CNTN4: variants seen among roughly 807,000 people sequenced by gnomAD.
CNTN4 encodes the protein contactin-4.
In CNTN4, 77 loss-of-function variants were observed where a neutral mutation model predicts 122.5. The observed-to-expected ratio is 0.63, with a 90% CI of 0.52 to 0.76. CNTN4 has a LOEUF of 0.76. Among genes scored for constraint, CNTN4 ranks in the 30% least tolerant of loss-of-function variants. The pLI, the probability that CNTN4 is intolerant of heterozygous loss-of-function variation, is 0.00. For synonymous variants in CNTN4, 512 were observed against 447.0 expected (o/e 1.15, Z -1.83); for missense variants, 1,256 against 1,259.1 (o/e 1.00, Z 0.04).
At chr3:2,387,026 T>A (rs2046279388) in intron 3 of CNTN4, among the ~76,000 whole-genome samples, 1 of 152,200 alleles carries the variant, frequency 6.6e-6, no homozygotes, top group Non-Finnish European at 1.5e-5. Context: ...AAGTTAGAGT[T>A]TTGAACTTGC....
At chr3:2,154,279 A>C (rs531868587) in intron 2 of CNTN4, among the ~76,000 whole-genome samples, 1 of 151,958 alleles carries the variant, frequency 6.6e-6, no homozygotes, top group South Asian at 2.1e-4. Context: ...CCAGCTACTC[A>C]TGAAGCTGAG....
intron 3 of CNTN4, among the ~76,000 whole-genome samples, chr3:2,396,483 C>T (rs2046645151): frequency 1.3e-5 from 2 of 152,120 alleles, no homozygotes; most frequent in South Asian, 4.1e-4. Flanking sequence ...ACTACCCCCT[C>T]CCCAGCCTCC....
intron 13 of CNTN4, among the ~76,000 whole-genome samples, chr3:2,977,779 C>T (rs755286461): frequency 4.6e-5 from 7 of 152,174 alleles, no homozygotes; most frequent in Admixed American, 6.5e-5. Flanking sequence ...CCTAGAATCT[C>T]AAAATGTGAC....
chr3:2,446,556 C>G (rs894663980), intron 3 of CNTN4, among the ~76,000 whole-genome samples: 6 of 152,128 alleles, frequency 3.9e-5, no homozygotes, highest in Non-Finnish European at 7.4e-5. Context: ...TCTCATCTTC[C>G]AGTACATTAT....
At chr3:2,441,445 C>T (rs559327441) in intron 3 of CNTN4, among the ~76,000 whole-genome samples, 52 of 152,216 alleles carry the variant, frequency 3.4e-4, no homozygotes, top group African/African-American at 4.8e-4. Flanking sequence ...TATCTGTCCC[C>T]GAAAGAGACT....
chr3:2,840,417 TG>T (rs2093328803), intron 7 of CNTN4, among the ~76,000 whole-genome samples: 1 of 151,918 alleles, frequency 6.6e-6, no homozygotes, highest in African/African-American at 2.4e-5. Flanking sequence ...TTAGAAAAGC[TG>T]GGGCCGGCGC....
At chr3:2,451,817 A>T (rs528257742) in intron 3 of CNTN4, among the ~76,000 whole-genome samples, 1 of 152,246 alleles carries the variant, frequency 6.6e-6, no homozygotes, top group Admixed American at 6.5e-5. Flanking sequence ...TTAATAGAAA[A>T]ATCTGTTCAG....
intron 3 of CNTN4, among the ~76,000 whole-genome samples, chr3:2,470,488 T>C (rs2075648899): frequency 6.6e-6 from 1 of 152,194 alleles, no homozygotes; most frequent in African/African-American, 2.4e-5. Context: ...CCTTATCGCA[T>C]CTTGAGACTC....
intron 4 of CNTN4, among the ~76,000 whole-genome samples, chr3:2,608,504 T>C (rs2081349380): frequency 6.6e-6 from 1 of 152,118 alleles, no homozygotes; most frequent in Non-Finnish European, 1.5e-5. Flanking sequence ...AGGCTCTTCT[T>C]CCCCTCTCCC....
intron 4 of CNTN4, among the ~76,000 whole-genome samples, chr3:2,612,960 C>T (rs1411066984): frequency 6.6e-6 from 1 of 152,066 alleles, no homozygotes; most frequent in African/African-American, 2.4e-5. Context: ...GTATGCATGA[C>T]TAGAGGAAGC....
chr3:2,240,691 A>G, intron 2 of CNTN4, among the ~76,000 whole-genome samples: 1 of 152,146 alleles, frequency 6.6e-6, no homozygotes, highest in East Asian at 1.9e-4. Context: ...TAACTCATGT[A>G]TGAAAATGGT....
chr3:2,146,385 A>G (rs1282086950), intron 2 of CNTN4, among the ~76,000 whole-genome samples: 1 of 151,902 alleles, frequency 6.6e-6, no homozygotes, highest in Non-Finnish European at 1.5e-5. Flanking sequence ...TACTATCTAT[A>G]GTAATATCTA....
chr3:2,584,063 C>G (rs1221486249), intron 4 of CNTN4, among the ~76,000 whole-genome samples: 2 of 152,134 alleles, frequency 1.3e-5, no homozygotes, highest in Non-Finnish European at 2.9e-5. Context: ...GAGGAAATTG[C>G]TTAATTCTCT....
At chr3:2,908,410 G>A (rs1291024568) in intron 12 of CNTN4, among the ~76,000 whole-genome samples, 1 of 152,176 alleles carries the variant, frequency 6.6e-6, no homozygotes, top group Non-Finnish European at 1.5e-5. Flanking sequence ...AAGCAAGTCT[G>A]AGGCAAGTAT....
chr3:2,111,259 A>G (rs1006414433), intron 2 of CNTN4, among the ~76,000 whole-genome samples: 1 of 152,206 alleles, frequency 6.6e-6, no homozygotes, highest in Non-Finnish European at 1.5e-5. Flanking sequence ...ATTCTACTCA[A>G]TTCTTATAAT....
intron 6 of CNTN4, among the ~76,000 whole-genome samples, chr3:2,762,711 C>G (rs374834402): frequency 1.3e-5 from 2 of 152,056 alleles, no homozygotes; most frequent in Non-Finnish European, 2.9e-5. Context: ...AATGCTGGGT[C>G]GAATGACATT....
intron 2 of CNTN4, among the ~76,000 whole-genome samples, chr3:2,302,552 G>T (rs1377580941): frequency 2.0e-5 from 3 of 152,194 alleles, no homozygotes; most frequent in Non-Finnish European, 4.4e-5. Context: ...TAAAGTCGTT[G>T]AAATATTTAA....
chr3:2,175,148 A>G (rs955610848), intron 2 of CNTN4, among the ~76,000 whole-genome samples: 2 of 152,222 alleles, frequency 1.3e-5, no homozygotes, highest in African/African-American at 4.8e-5. Flanking sequence ...ATAAAATAAG[A>G]TCTCTAATGA....
chr3:2,395,060 T>C (rs2150920068), intron 3 of CNTN4, among the ~76,000 whole-genome samples: 1 of 152,302 alleles, frequency 6.6e-6, no homozygotes, highest in South Asian at 2.1e-4. Context: ...GTGCTGGGAT[T>C]ACAGGCATGA....
Sources: allele counts gnomAD v4.1 joint callset (sites outside exome capture counted in the v4.1 genomes callset), GRCh38; gene constraint gnomAD v4.1.1; transcripts MANE v1.5; gene names NCBI Gene and HGNC (gene_info 2026-07-23, HGNC 2026-07-21).